LINGO2: variants seen among roughly 807,000 people sequenced by gnomAD.
LINGO2 encodes the protein leucine-rich repeat and immunoglobulin-like domain-containing nogo receptor-interacting protein 2.
LINGO2 carries 14 observed loss-of-function variants against 30.6 expected under a neutral mutation model. The ratio of observed to expected loss-of-function variants is 0.46; its 90% CI spans 0.30 to 0.72. The LOEUF is 0.72. Ranked by LOEUF, LINGO2 falls within the 30% of genes least tolerant of loss-of-function variation. The pLI, the probability that LINGO2 is intolerant of heterozygous loss-of-function variation, is 0.07. For missense variants in LINGO2, 729 were observed against 751.7 expected, an observed-to-expected ratio of 0.97 and a Z score of 0.35; for synonymous variants, 317 against 288.5, an observed-to-expected ratio of 1.10 and a Z score of -1.00.
At chr9:29,160,513 C>G in the LINGO2 span, among the ~76,000 whole-genome samples, 1 of 152,094 alleles carries the variant, frequency 6.6e-6, no homozygotes, top group Non-Finnish European at 1.5e-5. Flanking sequence ...ATCTTTTTCT[C>G]ATAGTATTAG....
chr9:28,217,611 T>C (rs996746739), intron 4 of LINGO2, among the ~76,000 whole-genome samples: 19 of 152,014 alleles, frequency 1.2e-4, no homozygotes, highest in South Asian at 8.3e-4. Flanking sequence ...ATTTTTCTTC[T>C]TCTAATGTCC....
intron 2 of LINGO2, among the ~76,000 whole-genome samples, chr9:28,463,091 A>C (rs1040454197): frequency 1.3e-5 from 2 of 151,984 alleles, no homozygotes; most frequent in South Asian, 2.1e-4. Flanking sequence ...GGGAGTGATT[A>C]ATAGCGCTTT....
chr9:28,899,464 C>G, the LINGO2 span, among the ~76,000 whole-genome samples: 1 of 152,192 alleles, frequency 6.6e-6, no homozygotes, highest in Non-Finnish European at 1.5e-5. Flanking sequence ...GCCCCAGGCT[C>G]CAGACTGACC....
At chr9:28,770,892 C>T in the LINGO2 span, among the ~76,000 whole-genome samples, 1 of 152,266 alleles carries the variant, frequency 6.6e-6, no homozygotes, top group South Asian at 2.1e-4. Context: ...ATTAGCATCA[C>T]CTTCCTTTAC....
chr9:28,697,413 A>AT, the LINGO2 span, among the ~76,000 whole-genome samples: 2 of 151,948 alleles, frequency 1.3e-5, no homozygotes, highest in African/African-American at 2.4e-5. Context: ...CCGACTATAT[A>AT]TTTTTTAAAA....
At chr9:28,330,251 C>T (rs1009833593) in intron 3 of LINGO2, among the ~76,000 whole-genome samples, 1 of 152,110 alleles carries the variant, frequency 6.6e-6, no homozygotes, top group African/African-American at 2.4e-5. Context: ...ATCTTGAATT[C>T]CTCAGCCTCT....
At chr9:28,802,374 C>T in the LINGO2 span, among the ~76,000 whole-genome samples, 45 of 152,084 alleles carry the variant, frequency 3.0e-4, no homozygotes, top group African/African-American at 1.0e-3. Flanking sequence ...GAAGAAAAAT[C>T]TTTAATCTGT....
At chr9:28,675,769 G>T in the LINGO2 span, among the ~76,000 whole-genome samples, 2 of 151,074 alleles carry the variant, frequency 1.3e-5, no homozygotes, top group African/African-American at 4.9e-5. Flanking sequence ...TACTCGGGAG[G>T]CTGAGGCAGG....
chr9:28,744,344 A>C, the LINGO2 span, among the ~76,000 whole-genome samples: 1 of 151,968 alleles, frequency 6.6e-6, no homozygotes, highest in African/African-American at 2.4e-5. Flanking sequence ...GGAGCCCTTC[A>C]AATGCCATTT....
chr9:28,637,188 T>C (rs1827322697), intron 1 of LINGO2, among the ~76,000 whole-genome samples: 1 of 152,190 alleles, frequency 6.6e-6, no homozygotes, highest in South Asian at 2.1e-4. Flanking sequence ...TATATCTCTG[T>C]TTTGGTACCA....
At chr9:28,894,936 A>G in the LINGO2 span, among the ~76,000 whole-genome samples, 1 of 152,120 alleles carries the variant, frequency 6.6e-6, no homozygotes, top group African/African-American at 2.4e-5. Context: ...AAGCTATACA[A>G]TAGATGTAAA....
intron 2 of LINGO2, among the ~76,000 whole-genome samples, chr9:28,408,554 G>T (rs1822606845): frequency 6.6e-6 from 1 of 150,606 alleles, no homozygotes; most frequent in African/African-American, 2.4e-5. Context: ...CTCACTCATA[G>T]GTGGGAATTG....
intron 3 of LINGO2, among the ~76,000 whole-genome samples, chr9:28,343,590 C>G (rs549375909): frequency 5.3e-5 from 8 of 152,210 alleles, no homozygotes; most frequent in African/African-American, 1.9e-4. Context: ...AGCTTTGAGA[C>G]TAGTTACTGA....
At chr9:28,191,830 C>A (rs942884256) in intron 4 of LINGO2, among the ~76,000 whole-genome samples, 1 of 152,116 alleles carries the variant, frequency 6.6e-6, no homozygotes, top group Non-Finnish European at 1.5e-5. Context: ...TGGTTTTCTT[C>A]TGATTCACCA....
the LINGO2 span, among the ~76,000 whole-genome samples, chr9:28,872,881 G>A: frequency 6.6e-6 from 1 of 152,072 alleles, no homozygotes; most frequent in East Asian, 1.9e-4. Flanking sequence ...TGGAAAAATC[G>A]TTGAGCAATA....
chr9:29,197,177 T>C, the LINGO2 span, among the ~76,000 whole-genome samples: 1 of 152,008 alleles, frequency 6.6e-6, no homozygotes, highest in African/African-American at 2.4e-5. Context: ...TTTCTGGTGT[T>C]CAGAAATGTA....
chr9:28,140,125 T>C (rs1175180461), intron 4 of LINGO2, among the ~76,000 whole-genome samples: 2 of 152,144 alleles, frequency 1.3e-5, no homozygotes, highest in Non-Finnish European at 2.9e-5. Flanking sequence ...ACCTAAATAG[T>C]TGGACTTAAA....
intron 1 of LINGO2, among the ~76,000 whole-genome samples, chr9:28,497,452 G>A (rs774653947): frequency 5.3e-5 from 8 of 151,982 alleles, no homozygotes; most frequent in East Asian, 1.9e-4. Context: ...TGATCGAATC[G>A]GCTACTGAAG....
the LINGO2 span, among the ~76,000 whole-genome samples, chr9:28,915,927 C>G: frequency 6.6e-6 from 1 of 152,122 alleles, no homozygotes; most frequent in African/African-American, 2.4e-5. Context: ...CTCTGATAAA[C>G]GGTCGCGAAT....
Sources: allele counts gnomAD v4.1 joint callset (sites outside exome capture counted in the v4.1 genomes callset), GRCh38; gene constraint gnomAD v4.1.1; transcripts MANE v1.5; gene names NCBI Gene and HGNC (gene_info 2026-07-23, HGNC 2026-07-21).